Variants in STK32C observed in about 807,000 individuals in gnomAD.
STK32C encodes serine/threonine kinase 32C.
Under a neutral mutation model 56.5 loss-of-function variants are expected in STK32C, and 31 were observed. That is an observed-to-expected ratio of 0.55 (90% CI 0.41 to 0.74). The LOEUF is 0.74. STK32C is among the 30% of genes least tolerant of loss of function. The probability of loss-of-function intolerance (pLI) is 0.00; values close to 1 mark genes in which losing one functional copy is unlikely to be tolerated. For missense variants in STK32C, 544 were observed against 676.9 expected (o/e 0.80, Z 2.18); for synonymous variants, 309 against 289.4 (o/e 1.07, Z -0.69).
chr10:132,239,615 A>G (rs2063428994), intron 2 of STK32C, among the ~76,000 whole-genome samples: 3 of 152,196 alleles, frequency 2.0e-5, no homozygotes, highest in Admixed American at 1.3e-4. Flanking sequence ...GCTGCTGGAA[A>G]GTGGGGGCCA....
intron 1 of STK32C, among the ~76,000 whole-genome samples, chr10:132,275,994 T>A (rs1397578785): frequency 6.6e-6 from 1 of 151,912 alleles, no homozygotes; most frequent in East Asian, 1.9e-4. Context: ...ACGGTCACAG[T>A]GAAGGCCCGC....
chr10:132,224,829 G>A (rs1446719256), intron 7 of STK32C, among the ~76,000 whole-genome samples: 2 of 152,148 alleles, frequency 1.3e-5, no homozygotes, highest in African/African-American at 4.8e-5. Flanking sequence ...GTCCTGTGCA[G>A]GGCTGAGGGG....
chr10:132,280,662 ACTCCACTCCGTGATCACGCAC>A (rs1455225754), intron 1 of STK32C, among the ~76,000 whole-genome samples: 194 of 115,002 alleles, frequency 1.7e-3, no homozygotes, highest in African/African-American at 6.3e-3. Flanking sequence ...TGATCACCAC[ACTCCACTCCGTGATCACGCAC>A]CTCCACTCCG....
chr10:132,218,214 C>A (rs1479247964), intron 10 of STK32C, among the ~76,000 whole-genome samples: 1 of 152,174 alleles, frequency 6.6e-6, no homozygotes, highest in African/African-American at 2.4e-5. Flanking sequence ...GCCATTCTGG[C>A]AGCTGGGGCA....
At chr10:132,209,299 G>C in intron 10 of STK32C, 198 bp from the exon 11 acceptor site, 1 of 708,234 alleles carries the variant, frequency 1.4e-6, no homozygotes, top group East Asian at 2.7e-5. Context: ...ACTCACCCAA[G>C]CCCGAGGATG....
At chr10:132,248,688 G>A (rs1433024099) in intron 1 of STK32C, among the ~76,000 whole-genome samples, 2 of 152,222 alleles carry the variant, frequency 1.3e-5, no homozygotes, top group Non-Finnish European at 2.9e-5. Context: ...CACCTGCTGT[G>A]CCAGGCCCCT....
At chr10:132,208,363 G>A (rs897727853) in intron 11 of STK32C, among the ~76,000 whole-genome samples, 5 of 152,296 alleles carry the variant, frequency 3.3e-5, no homozygotes, top group East Asian at 1.9e-4. Flanking sequence ...GGCGAGGCTC[G>A]GCGTGTTTCC....
At chr10:132,293,760 G>C (rs1281720197) in intron 1 of STK32C, among the ~76,000 whole-genome samples, 2 of 152,206 alleles carry the variant, frequency 1.3e-5, no homozygotes, top group Non-Finnish European at 2.9e-5. Context: ...CAGCAGGTGG[G>C]AGGTCCAGCA....
Position 132,307,495 on chromosome 10 carries a change from G to A in STK32C, c.262+77C>T. The A allele has an allele frequency of 6.9e-7, 1 of 1,446,670 alleles. No homozygotes were observed. Among genetic ancestry groups the A allele is most frequent in the Non-Finnish European group, 9.2e-7 (1 of 1,092,784 alleles). 89.6% of individuals were successfully genotyped at this position (1,446,670 alleles called of 1,614,324 possible). The stretch of plus-strand genomic sequence containing the variant: ...CGTCCCGGACACCGGGGGAACCCCT[G>A]CGGGAAAAAGCCGCCCAGCCGCGCC... On this transcript the variant is annotated intron_variant, in intron 1 of 11. Transcript: ENST00000298630. This position sits in a 1 kb window ranked among gnomAD's most constrained non-coding sequence, Gnocchi z 4.4.
chr10:132,279,838 G>T (rs556922037), intron 1 of STK32C, among the ~76,000 whole-genome samples: 1 of 137,874 alleles, frequency 7.3e-6, no homozygotes, highest in Non-Finnish European at 1.6e-5. Flanking sequence ...CTGTGATCAC[G>T]CCACTGCACC....
intron 1 of STK32C, among the ~76,000 whole-genome samples, chr10:132,267,317 A>T (rs902737347): frequency 2.6e-5 from 4 of 152,108 alleles, no homozygotes; most frequent in African/African-American, 9.6e-5. Flanking sequence ...CCTGGAATAC[A>T]CCTCAGATCA....
chr10:132,236,755 C>T (rs2063308224), intron 2 of STK32C, among the ~76,000 whole-genome samples: 1 of 152,202 alleles, frequency 6.6e-6, no homozygotes, highest in Admixed American at 6.5e-5. Context: ...CCTTTCCCGG[C>T]CATTCAGACA....
At chr10:132,289,431 C>T (rs1393281560) in intron 1 of STK32C, among the ~76,000 whole-genome samples, 1 of 152,308 alleles carries the variant, frequency 6.6e-6, no homozygotes, top group Middle Eastern at 3.4e-3. Context: ...AATACAGAAT[C>T]GTTAAACTCC....
chr10:132,237,190 G>T (rs1375943700), intron 2 of STK32C, among the ~76,000 whole-genome samples: 5 of 51,690 alleles, frequency 9.7e-5, no homozygotes, highest in African/African-American at 2.0e-4. Flanking sequence ...GTGCTCCCTG[G>T]ACTGTGCTCC....
At chr10:132,292,954 C>T (rs915884501) in intron 1 of STK32C, among the ~76,000 whole-genome samples, 1 of 151,764 alleles carries the variant, frequency 6.6e-6, no homozygotes. Flanking sequence ...GGGTGCTCAC[C>T]TGCTCCAGTG....
intron 2 of STK32C, 120 bp from the exon 3 acceptor site, chr10:132,228,248 G>A: frequency 1.5e-6 from 2 of 1,319,798 alleles, no homozygotes; most frequent in Non-Finnish European, 2.2e-6. Flanking sequence ...GACACCTGGG[G>A]ACGCGCCGCA....
Position 132,284,198 on chromosome 10 carries a change from C to T in STK32C, c.262+23374G>A, listed in dbSNP as rs567959312. Among the ~76,000 whole-genome samples, 11 of 151,178 alleles carry T rather than the reference C, an allele frequency of 7.3e-5. No homozygotes were observed. In the East Asian group the frequency reaches 1.8e-3, roughly 24 times the overall value. On this transcript the variant is annotated intron_variant, in intron 1 of 11. Coordinates refer to ENST00000298630, the MANE Select transcript of STK32C (RefSeq NM_173575.4). ...ACCCGTGCCTGAGGTCTGCAGGGTC[C>T]GCAGCGGCTTGCCGGGCCCCATGGG...
At chr10:132,270,742 CAA>C (rs2138153920) in intron 1 of STK32C, among the ~76,000 whole-genome samples, 1 of 152,306 alleles carries the variant, frequency 6.6e-6, no homozygotes, top group Admixed American at 6.5e-5. Context: ...ACAGGCAGCC[CAA>C]AGAGAACCAC....
intron 2 of STK32C, among the ~76,000 whole-genome samples, chr10:132,240,214 C>T (rs2063452984): frequency 1.3e-5 from 2 of 152,250 alleles, no homozygotes; most frequent in Non-Finnish European, 2.9e-5. Flanking sequence ...ACCCGGACAC[C>T]TGCAAGCTCT....
Sources: allele counts gnomAD v4.1 joint callset (sites outside exome capture counted in the v4.1 genomes callset), GRCh38; gene constraint gnomAD v4.1.1; non-coding constraint Gnocchi (gnomAD v3.1); transcripts MANE v1.5; gene names NCBI Gene and HGNC (gene_info 2026-07-23, HGNC 2026-07-21).